The following DLG2 variants were observed in gnomAD, a reference collection of about 807,000 sequenced individuals.
The protein encoded by DLG2 is discs large MAGUK scaffold protein 2.
DLG2 carries 45 observed loss-of-function variants against 132.5 expected under a neutral mutation model. That is an observed-to-expected ratio of 0.34 (90% confidence interval 0.27 to 0.44). DLG2 has a LOEUF of 0.44. Ranked by LOEUF, DLG2 falls within the 20% of genes least tolerant of loss-of-function variation. The pLI, the probability that DLG2 is intolerant of heterozygous loss-of-function variation, is 1.00. For synonymous variants in DLG2, 424 were observed against 419.6 expected (o/e 1.01, Z -0.13); for missense variants, 1,045 against 1,196.9 (o/e 0.87, Z 1.87).
chr11:84,796,676 G>A (rs1274367255), intron 6 of DLG2, among the ~76,000 whole-genome samples: 1 of 150,300 alleles, frequency 6.7e-6, no homozygotes, highest in Non-Finnish European at 1.5e-5. Flanking sequence ...ACTATTCTAG[G>A]GTAATTTTTT....
intron 6 of DLG2, among the ~76,000 whole-genome samples, chr11:84,837,108 A>C (rs937343515): frequency 1.3e-5 from 2 of 151,740 alleles, no homozygotes; most frequent in African/African-American, 4.8e-5. Flanking sequence ...AGAACATATA[A>C]CATATACTTC....
rs535690873 is a variant in DLG2 at position 84,450,400 on chromosome 11, A to T, written c.519+84170T>A. 9.3e-5 allele frequency among the ~76,000 whole-genome samples: 14 copies of T among 150,132 alleles called. 1 individual carries two copies. In the South Asian group the frequency reaches 2.9e-3, roughly 31 times the overall value. Reference sequence around the variant, plus strand: ...AGTACTTAGAAAACAGATCAGAACAAGAAGTACTTTTTTTTTTTTTTTTCC... The same window carrying T: ...AGTACTTAGAAAACAGATCAGAACATGAAGTACTTTTTTTTTTTTTTTTCC... On this transcript the variant is annotated intron_variant, in intron 7 of 27. Coordinates refer to ENST00000376104, the MANE Select transcript of DLG2 (RefSeq NM_001142699.3).
intron 17 of DLG2, among the ~76,000 whole-genome samples, chr11:83,828,522 A>G (rs1223577395): frequency 6.6e-6 from 1 of 152,234 alleles, no homozygotes; most frequent in Non-Finnish European, 1.5e-5. Context: ...GAGATTTCCA[A>G]TGGACACAGG....
At chr11:85,099,932 G>A (rs971624768) in intron 6 of DLG2, among the ~76,000 whole-genome samples, 16 of 151,958 alleles carry the variant, frequency 1.1e-4, no homozygotes, top group African/African-American at 3.9e-4. Context: ...GCTTCTAAAG[G>A]CTCCTTCATC....
chr11:83,605,408 A>G (rs951384133), intron 19 of DLG2, among the ~76,000 whole-genome samples: 1 of 152,248 alleles, frequency 6.6e-6, no homozygotes, highest in African/African-American at 2.4e-5. Context: ...TAAGCAAGCA[A>G]GCAAAGAAAT....
At chr11:83,676,242 G>A (rs1046832198) in intron 18 of DLG2, among the ~76,000 whole-genome samples, 2 of 152,158 alleles carry the variant, frequency 1.3e-5, no homozygotes, top group Non-Finnish European at 2.9e-5. Context: ...AAGTTGTCTA[G>A]GAGTCACTGG....
intron 3 of DLG2, among the ~76,000 whole-genome samples, chr11:85,359,895 G>A (rs373812513): frequency 6.6e-6 from 1 of 152,182 alleles, no homozygotes; most frequent in Non-Finnish European, 1.5e-5. Context: ...ACATGATCAT[G>A]TCTAAAGAAC....
At chr11:84,210,369 C>T (rs1454610074) in intron 8 of DLG2, among the ~76,000 whole-genome samples, 10 of 132,612 alleles carry the variant, frequency 7.5e-5, no homozygotes, top group South Asian at 4.9e-4. Context: ...GGGAATATCA[C>T]ACTCTGGGGA....
chr11:83,737,860 G>A (rs2092113174), intron 18 of DLG2, among the ~76,000 whole-genome samples: 1 of 152,088 alleles, frequency 6.6e-6, no homozygotes, highest in African/African-American at 2.4e-5. Context: ...GGTTCCTGAG[G>A]TTTTCTTCTG....
chr11:84,620,023 G>A (rs1315965835), intron 6 of DLG2, among the ~76,000 whole-genome samples: 1 of 151,376 alleles, frequency 6.6e-6, no homozygotes, highest in African/African-American at 2.4e-5. Flanking sequence ...GGAAGAATTT[G>A]ATCTAGTAGA....
At chr11:83,558,211 C>T (rs996285777) in intron 19 of DLG2, among the ~76,000 whole-genome samples, 1 of 152,158 alleles carries the variant, frequency 6.6e-6, no homozygotes, top group Non-Finnish European at 1.5e-5. Context: ...CTCTTTCATT[C>T]CTCTCAACTT....
intron 16 of DLG2, among the ~76,000 whole-genome samples, chr11:83,868,008 G>T (rs529746874): frequency 2.0e-5 from 3 of 152,202 alleles, no homozygotes. Context: ...AGGAAAAGGA[G>T]CTGACAGCTC....
Position 85,615,282 on chromosome 11 carries a change from C to T in DLG2, c.-93+11305G>A, listed in dbSNP as rs185714985. Among the ~76,000 whole-genome samples the T allele has an allele frequency of 4.1e-3, 629 of 152,196 alleles. 4 individuals carry two copies. The highest frequency in any genetic ancestry group is 4.9e-3 in the Non-Finnish European group (330 of 68,020). ...TTGTAATCCCAGCATTTTGGGAGGCCGAGGCAGACGGATCACTTTGAGCTC... is the reference window on the plus strand; with the variant it reads ...TTGTAATCCCAGCATTTTGGGAGGCTGAGGCAGACGGATCACTTTGAGCTC... On this transcript the variant is annotated intron_variant, in intron 2 of 27. Transcript: ENST00000376104.
intron 6 of DLG2, among the ~76,000 whole-genome samples, chr11:84,557,092 G>A (rs2099413426): frequency 6.6e-6 from 1 of 152,044 alleles, no homozygotes; most frequent in African/African-American, 2.4e-5. Context: ...TAATTGTAAT[G>A]GTTAGTTTTA....
At chr11:83,860,192 G>T (rs2061222322) in intron 16 of DLG2, among the ~76,000 whole-genome samples, 1 of 152,208 alleles carries the variant, frequency 6.6e-6, no homozygotes, top group South Asian at 2.1e-4. Flanking sequence ...CCACCTAGTG[G>T]AGCTGTGAGA....
At chr11:85,160,000 C>T (rs868053087) in intron 4 of DLG2, among the ~76,000 whole-genome samples, 2 of 152,116 alleles carry the variant, frequency 1.3e-5, no homozygotes, top group Non-Finnish European at 2.9e-5. Flanking sequence ...GAAATAAATC[C>T]AACTAAAATT....
intron 6 of DLG2, among the ~76,000 whole-genome samples, chr11:85,013,543 G>A (rs1353452901): frequency 1.3e-5 from 2 of 152,124 alleles, no homozygotes; most frequent in African/African-American, 4.8e-5. Context: ...AAAAACAGGA[G>A]AAAACAAATT....
At chr11:84,444,629 T>C (rs1028790365) in intron 7 of DLG2, among the ~76,000 whole-genome samples, 1 of 152,190 alleles carries the variant, frequency 6.6e-6, no homozygotes, top group Admixed American at 6.5e-5. Flanking sequence ...ACAATTATCC[T>C]ATTTTTATTT....
intron 6 of DLG2, among the ~76,000 whole-genome samples, chr11:84,903,215 ACC>A (rs2091111327): frequency 1.3e-5 from 2 of 152,168 alleles, no homozygotes; most frequent in Non-Finnish European, 2.9e-5. Context: ...GAATACAAAG[ACC>A]TTCACAAGAT....
Sources: allele counts gnomAD v4.1 joint callset (sites outside exome capture counted in the v4.1 genomes callset), GRCh38; gene constraint gnomAD v4.1.1; transcripts MANE v1.5; gene names NCBI Gene and HGNC (gene_info 2026-07-23, HGNC 2026-07-21).